Variants in FN3K observed in about 807,000 individuals in gnomAD.
The protein encoded by FN3K is fructosamine-3-kinase.
FN3K carries 24 observed loss-of-function variants against 24.8 expected under a neutral mutation model. The observed-to-expected ratio is 0.97, with a 90% confidence interval of 0.70 to 1.36. The LOEUF (loss-of-function observed/expected upper bound fraction) is 1.36, where lower values mean the gene tolerates loss of function less well. Among genes scored for constraint, FN3K ranks in the 40% most tolerant of loss-of-function variants. The pLI is 0.00. For missense variants in FN3K, 449 were observed against 416.7 expected (o/e 1.08, Z -0.67); for synonymous variants, 192 against 175.2 (o/e 1.10, Z -0.76).
chr17:82,741,888 A>G (rs989426633), intron 4 of FN3K, among the ~76,000 whole-genome samples: 4 of 152,162 alleles, frequency 2.6e-5, no homozygotes, highest in Non-Finnish European at 4.4e-5. Context: ...TTAACTCCAG[A>G]ACATTTTCTT....
chr17:82,736,690 A>AG (rs757958078), intron 1 of FN3K, among the ~76,000 whole-genome samples: 66 of 152,146 alleles, frequency 4.3e-4, no homozygotes, highest in Non-Finnish European at 7.8e-4. Flanking sequence ...GAGCTCTCTG[A>AG]GGGGCAGCAG....
intron 4 of FN3K, chr17:82,742,755 T>C (rs2046947740): frequency 2.2e-6 from 1 of 455,934 alleles, no homozygotes; most frequent in Non-Finnish European, 4.4e-6. Flanking sequence ...TTGGTTTTGT[T>C]AGGAACACAG....
chr17:82,741,699 G>A lies in FN3K; in HGVS notation c.468+306G>A, dbSNP rs556905815. 2.0e-5 allele frequency among the ~76,000 whole-genome samples: 3 copies of A among 152,216 alleles called. No individual in the cohort carries two copies. The South Asian group carries it at 6.2e-4, about 32-fold the overall frequency. ...GAGGGACTGGAGACAGTGGGTGATG[G>A]GTAGTGTGCAAAGTCAGGGATTAAG... On this transcript the variant is annotated intron_variant, in intron 4 of 5. Coordinates refer to ENST00000300784, the MANE Select transcript of FN3K (RefSeq NM_022158.4).
intron 5 of FN3K, 149 bp from the exon 6 acceptor site, chr17:82,750,268 C>T (rs563966761): frequency 1.4e-6 from 1 of 722,404 alleles, no homozygotes; most frequent in East Asian, 2.7e-5. Context: ...CCCCTGAAGT[C>T]AGGTGGCCCC....
At chr17:82,743,653 T>G (rs2046952965) in intron 4 of FN3K, among the ~76,000 whole-genome samples, 1 of 152,212 alleles carries the variant, frequency 6.6e-6, no homozygotes, top group Non-Finnish European at 1.5e-5. Flanking sequence ...TTCTAAGCAC[T>G]TCACTGAACT....
At chr17:82,749,693 CA>C (rs2046989773) in intron 5 of FN3K, 1 of 158,400 alleles carries the variant, frequency 6.3e-6, no homozygotes, top group African/African-American at 2.4e-5. Context: ...ATATAACTCT[CA>C]AAATGTTAAA....
chr17:82,738,721 G>C, intron 2 of FN3K, 81 bp downstream of exon 2: 1 of 1,564,908 alleles, frequency 6.4e-7, no homozygotes, highest in Non-Finnish European at 8.8e-7. Context: ...GACAGAGAAA[G>C]GGATAGAGAT....
chr17:82,750,797 GTCTCCC>G lies in FN3K; in HGVS notation c.*43_*48del, dbSNP rs2047017023. ...TTCCCCTGTCCCCGTCCCCGTCTCC[GTCTCCC>G]CGTCCCTGTCCCCCCGTCCCCCGTC... On this transcript the variant is annotated 3_prime_UTR_variant, in exon 6 of 6. Coordinates refer to ENST00000300784, the MANE Select transcript of FN3K (RefSeq NM_022158.4). The G allele has an allele frequency of 5.0e-6, 7 of 1,407,244 alleles. No homozygotes were observed. The highest frequency in any genetic ancestry group is 6.5e-6 in the Non-Finnish European group (7 of 1,068,718). 87.2% of individuals were successfully genotyped at this position (1,407,244 alleles called of 1,614,324 possible).
Position 82,750,455 on chromosome 17 carries a change from C to A in FN3K, c.630C>A (p.Val210=). 1 of 1,614,174 alleles carries A rather than the reference C, an allele frequency of 6.2e-7. No homozygotes were observed. The highest frequency in any genetic ancestry group is 8.5e-7 in the Non-Finnish European group (1 of 1,180,040). The change falls in exon 6 of 6, where the codon GTC becomes GTA. Residue 210 remains valine (V), a synonymous_variant. Coordinates refer to ENST00000300784, the MANE Select transcript of FN3K (RefSeq NM_022158.4). ...IPDLFCGLEI[V]PALLHGDLWS... The stretch of plus-strand genomic sequence containing the variant: ...ATCTGTTTTGTGGCCTAGAGATTGT[C>A]CCCGCGTTGCTCCACGGGGATCTCT...
At chr17:82,742,446 T>G (rs1051418856) in intron 4 of FN3K, among the ~76,000 whole-genome samples, 2 of 152,236 alleles carry the variant, frequency 1.3e-5, no homozygotes, top group African/African-American at 4.8e-5. Flanking sequence ...TCTTTGAATT[T>G]TCTGGATATG....
Position 82,748,925 on chromosome 17 carries a change from T to C in FN3K, c.539T>C (p.Ile180Thr), listed in dbSNP as rs1350336448. 10 of 1,614,150 alleles carry C rather than the reference T, an allele frequency of 6.2e-6. No homozygotes were observed. The highest frequency in any genetic ancestry group is 7.6e-6 in the Non-Finnish European group (9 of 1,180,030). The change falls in exon 5 of 6, where the codon ATT becomes ACT. Residue 180 changes from isoleucine (I) to threonine (T), a missense_variant. By Grantham distance (89) the Ile-to-Thr change is moderately conservative. Transcript: ENST00000300784. ...RHRLQAQLDL[I>T]EKDYADREAR... is the part of the protein sequence containing the mutation. The stretch of plus-strand genomic sequence containing the variant: ...CGGCTCCAGGCGCAGCTGGACCTCA[T>C]TGAGAAGGACTATGCTGACCGAGAG...
chr17:82,747,445 G>A (rs1176862883), intron 4 of FN3K, among the ~76,000 whole-genome samples: 2 of 152,120 alleles, frequency 1.3e-5, no homozygotes, highest in African/African-American at 4.8e-5. Context: ...TCTGTCACCA[G>A]GCTGGAGTGC....
At position 82,750,645 on chromosome 17, in the gene FN3K, G is replaced by C; in HGVS notation, c.820G>C (p.Asp274His). Residue 274 changes from aspartate (D) to histidine (H), a missense_variant, in exon 6 of 6, where the codon GAC becomes CAC. Transcript: ENST00000300784. The stretch of plus-strand genomic sequence containing the variant: ...GAAGATCCCCAAGGCTCCGGGCTTC[G>C]ACCAGCGGCTGCTGCTCTACCAGCT... Reference protein sequence around the residue: ...HRKIPKAPGFDQRLLLYQLFN... With the variant: ...HRKIPKAPGFHQRLLLYQLFN... The C allele has an allele frequency of 1.9e-6, 3 of 1,613,930 alleles. No homozygotes were observed. Among genetic ancestry groups the C allele is most frequent in the East Asian group, 2.2e-5 (1 of 44,876 alleles).
chr17:82,738,405 C>T, intron 1 of FN3K, 84 bp from the exon 2 acceptor site: 1 of 1,575,618 alleles, frequency 6.3e-7, no homozygotes, highest in Non-Finnish European at 8.7e-7. Flanking sequence ...TTGTGACTCC[C>T]ACGTGGTAGC....
intron 1 of FN3K, among the ~76,000 whole-genome samples, chr17:82,737,051 G>T (rs1399223415): frequency 1.3e-5 from 2 of 152,114 alleles, no homozygotes; most frequent in Admixed American, 6.5e-5. Context: ...TGGGGGGCTC[G>T]CCCTGGAGCA....
rs966383644 is a variant in FN3K, at chr17:82,749,412, C to T, written c.591+435C>T. 2.2e-5 allele frequency: 7 copies of T among 313,120 alleles called. No homozygotes were observed. In the East Asian group the frequency reaches 2.5e-4, roughly 11 times the overall value. The allele number at this position is 313,120 out of a possible 1,614,324, so 19.4% of individuals were successfully genotyped here. ...GGGCACAGTGGTTCACGCCTGTAAT[C>T]GCAGCATTTGGGAGGCCTAGGTGGG... On this transcript the variant is annotated intron_variant, in intron 5 of 5. Coordinates refer to ENST00000300784, the MANE Select transcript of FN3K (RefSeq NM_022158.4).
At position 82,750,788 on chromosome 17, in the gene FN3K, C is replaced by A. The variant is rs371193486; in HGVS notation, c.*33C>A. 6.4e-7 allele frequency: 1 copy of A among 1,560,368 alleles called. No individual in the cohort carries two copies. The highest frequency in any genetic ancestry group is 2.3e-5 in the East Asian group (1 of 44,428). On this transcript the variant is annotated 3_prime_UTR_variant, in exon 6 of 6. Coordinates refer to ENST00000300784, the MANE Select transcript of FN3K (RefSeq NM_022158.4). ...TGCCCTCCCTTCCCCTGTCCCCGTC[C>A]CCGTCTCCGTCTCCCCGTCCCTGTC...
rs952359312 is a variant in FN3K, at chr17:82,750,698, C to G, written c.873C>G (p.His291Gln). The change falls in exon 6 of 6, where the codon CAC (histidine) becomes CAG (glutamine). Residue 291 changes from histidine to glutamine, a missense_variant. His to Gln is a conservative substitution (Grantham distance 24). Coordinates refer to ENST00000300784, the MANE Select transcript of FN3K (RefSeq NM_022158.4). The part of the protein sequence containing the change: ...QLFNYLNHWN[H>Q]FGREYRSPSL... ...TTAACTACCTGAACCACTGGAACCACTTCGGGCGGGAGTACAGGAGCCCTT... is the reference window on the plus strand; with the variant it reads ...TTAACTACCTGAACCACTGGAACCAGTTCGGGCGGGAGTACAGGAGCCCTT... 4 of 1,613,676 alleles carry G rather than the reference C, an allele frequency of 2.5e-6. No individual in the cohort carries two copies. Among genetic ancestry groups the G allele is most frequent in the Non-Finnish European group, 3.4e-6 (4 of 1,179,998 alleles).
At chr17:82,740,458 G>A (rs2046935019) in intron 2 of FN3K, among the ~76,000 whole-genome samples, 2 of 150,406 alleles carry the variant, frequency 1.3e-5, no homozygotes, top group African/African-American at 2.4e-5. Context: ...CAGGAATGGT[G>A]GCACAGGCAT....
Sources: gnomAD v4.1 joint callset for allele counts (sites outside exome capture counted in the v4.1 genomes callset) on GRCh38, gnomAD v4.1.1 for gene constraint, MANE v1.5 for transcripts, NCBI Gene and HGNC (gene_info 2026-07-23, HGNC 2026-07-21) for gene names.